ITM2B: variants seen among roughly 807,000 people sequenced by gnomAD.
ITM2B encodes integral membrane protein 2B.
In ITM2B, 11 loss-of-function variants were observed where a neutral mutation model predicts 27.8. The ratio of observed to expected loss-of-function variants is 0.40; its 90% CI spans 0.25 to 0.66. The LOEUF (loss-of-function observed/expected upper bound fraction) is 0.66. Among genes scored for constraint, ITM2B ranks in the 30% least tolerant of loss-of-function variants. The pLI is 0.43. For synonymous variants in ITM2B, 114 were observed against 114.3 expected (o/e 1.00, Z 0.02); for missense variants, 296 against 328.9 (o/e 0.90, Z 0.77).
chr13:48,258,891 A>G lies in ITM2B; in HGVS notation c.659A>G (p.Tyr220Cys), dbSNP rs761159398. The G allele has an allele frequency of 6.2e-7, 1 of 1,613,354 alleles. No individual in the cohort carries two copies. The highest frequency in any genetic ancestry group is 8.5e-7 in the Non-Finnish European group (1 of 1,179,316). The change falls in exon 5 of 6, where the codon TAT (tyrosine) becomes TGT (cysteine). Residue 220 changes from tyrosine to cysteine, a missense_variant. By Grantham distance (194) the Tyr-to-Cys change is radical. Coordinates refer to ENST00000647800, the MANE Select transcript of ITM2B (RefSeq NM_021999.5). Reference sequence around the variant, plus strand: ...ATTGATCACCTGGGTTTCTTTATTTATCGACTGTGTCATGACAAGGAAACT... The same window carrying G: ...ATTGATCACCTGGGTTTCTTTATTTGTCGACTGTGTCATGACAAGGAAACT... ...ENIDHLGFFI[Y>C]RLCHDKETYK... is the part of the protein sequence containing the mutation.
rs1347658891 is a variant in ITM2B, at chr13:48,233,484, G to T, written c.117+7G>T. The T allele has an allele frequency of 6.6e-7, 1 of 1,508,636 alleles. No individual in the cohort carries two copies. Among genetic ancestry groups the T allele is most frequent in the South Asian group, 1.2e-5 (1 of 80,422 alleles). The allele number at this position is 1,508,636 out of a possible 1,614,324, so 93.5% of individuals were successfully genotyped here. On this transcript the variant is annotated splice_region_variant and intron_variant, in intron 1 of 5. Coordinates refer to ENST00000647800, the MANE Select transcript of ITM2B (RefSeq NM_021999.5). ...CGTCGCGGTGGACTGCAAGGTCCGA[G>T]CCCGGGGAGGTCGAGGAAGCGGGTG...
intron 1 of ITM2B, among the ~76,000 whole-genome samples, chr13:48,250,629 AAAG>A (rs1056894729): frequency 6.6e-6 from 1 of 152,114 alleles, no homozygotes; most frequent in Non-Finnish European, 1.5e-5. Flanking sequence ...AAAAAAAAAA[AAAG>A]ATCTAAGTTT....
Position 48,258,114 on chromosome 13 carries a change from T to C in ITM2B, c.454-12T>C. On this transcript the variant is annotated splice_polypyrimidine_tract_variant and intron_variant, in intron 3 of 5. Coordinates refer to ENST00000647800, the MANE Select transcript of ITM2B (RefSeq NM_021999.5). Reference sequence around the variant, plus strand: ...GTATTACTGTAACTACACTGTATCTTTTTCTTCCCAGAAACTTACAGCCTA... The same window carrying C: ...GTATTACTGTAACTACACTGTATCTCTTTCTTCCCAGAAACTTACAGCCTA... The C allele has an allele frequency of 7.4e-7, 1 of 1,353,664 alleles. No individual in the cohort carries two copies. Among genetic ancestry groups the C allele is most frequent in the Non-Finnish European group, 1.1e-6 (1 of 942,744 alleles). 83.9% of individuals were successfully genotyped at this position (1,353,664 alleles called of 1,614,324 possible).
intron 1 of ITM2B, among the ~76,000 whole-genome samples, chr13:48,250,762 G>GAGATA (rs1414089565): frequency 6.6e-6 from 1 of 152,196 alleles, no homozygotes; most frequent in African/African-American, 2.4e-5. Context: ...CTAGTAGAGA[G>GAGATA]AGATAAGATC....
intron 1 of ITM2B, among the ~76,000 whole-genome samples, chr13:48,247,599 A>C: frequency 6.6e-6 from 1 of 152,334 alleles, no homozygotes; most frequent in East Asian, 1.9e-4. Context: ...TATACATTTT[A>C]TTTAAGTTTA....
chr13:48,235,836 A>T (rs778360093), intron 1 of ITM2B, among the ~76,000 whole-genome samples: 19 of 152,240 alleles, frequency 1.2e-4, no homozygotes, highest in Non-Finnish European at 2.6e-4. Context: ...ACCCTCCCAG[A>T]TCACAATATC....
intron 1 of ITM2B, among the ~76,000 whole-genome samples, chr13:48,241,263 G>A (rs757045984): frequency 5.3e-5 from 8 of 152,336 alleles, no homozygotes; most frequent in Non-Finnish European, 1.0e-4. Context: ...CCAGGCTCGA[G>A]TGCAGTGGCA....
chr13:48,251,825 T>A (rs1051859713), intron 1 of ITM2B, among the ~76,000 whole-genome samples: 2 of 152,166 alleles, frequency 1.3e-5, no homozygotes, highest in African/African-American at 4.8e-5. Context: ...ATTTCTTACC[T>A]CCTTAGATAT....
At position 48,233,216 on chromosome 13, in the gene ITM2B, T is replaced by C. The variant is rs1951644429; in HGVS notation, c.-145T>C. ...CGAGATCCCTACCGCAGTAGCCGCC[T>C]CTGCCGCCGCGGAGCTTCCCGAACC... On this transcript the variant is annotated 5_prime_UTR_variant, in exon 1 of 6. Transcript: ENST00000647800. 1 of 423,680 alleles carries C rather than the reference T, an allele frequency of 2.4e-6. No individual in the cohort carries two copies. Among genetic ancestry groups the C allele is most frequent in the African/African-American group, 2.2e-5 (1 of 44,914 alleles). The allele number at this position is 423,680 out of a possible 1,614,324, so 26.2% of individuals were successfully genotyped here.
chr13:48,236,716 G>T (rs1433214717), intron 1 of ITM2B, among the ~76,000 whole-genome samples: 2 of 152,164 alleles, frequency 1.3e-5, no homozygotes, highest in Non-Finnish European at 2.9e-5. Context: ...TGTCACTTCT[G>T]TTTACCTCAC....
chr13:48,254,033 A>G, intron 2 of ITM2B, 97 bp downstream of exon 2: 9 of 1,191,674 alleles, frequency 7.6e-6, no homozygotes, highest in Middle Eastern at 4.9e-4. Flanking sequence ...CTAAGCTTGT[A>G]CTTTTTATCT....
chr13:48,234,291 G>A (rs1951654219), intron 1 of ITM2B, among the ~76,000 whole-genome samples: 1 of 151,850 alleles, frequency 6.6e-6, no homozygotes, highest in Admixed American at 6.6e-5. Flanking sequence ...CATGAAGTGG[G>A]GCTGTTACTG....
rs1951645713 is a variant in ITM2B, at chr13:48,233,295, A to AGCCGGGAGCCCGCAGCCCGC, written c.-62_-43dup. On this transcript the variant is annotated 5_prime_UTR_variant, in exon 1 of 6. Coordinates refer to ENST00000647800, the MANE Select transcript of ITM2B (RefSeq NM_021999.5). ...GCCCGGCCGTAGAGGCTGCAATCGC[A>AGCCGGGAGCCCGCAGCCCGC]GCCGGGAGCCCGCAGCCCGCGCCCC... The AGCCGGGAGCCCGCAGCCCGC allele has an allele frequency of 1.9e-6, 2 of 1,051,554 alleles. No individual in the cohort carries two copies. Among genetic ancestry groups the AGCCGGGAGCCCGCAGCCCGC allele is most frequent in the Non-Finnish European group, 1.4e-6 (1 of 721,816 alleles). 65.1% of individuals were successfully genotyped at this position (1,051,554 alleles called of 1,614,324 possible).
chr13:48,262,382 T>C lies in ITM2B; in HGVS notation c.*1158T>C, dbSNP rs1307907071. 1 of 152,170 alleles carries C rather than the reference T, an allele frequency of 6.6e-6. No homozygotes were observed. Among genetic ancestry groups the C allele is most frequent in the Non-Finnish European group, 1.5e-5 (1 of 68,022 alleles). The allele number at this position is 152,170 out of a possible 1,614,324, so 9.4% of individuals were successfully genotyped here. A position where few individuals can be genotyped will look rare whatever the true frequency, so the allele number is the denominator to read the frequency against. Reference sequence around the variant, plus strand: ...TTAGGAGGTCAGAGTTTTTAAAGCTTCCAACTCTTAAAGGATTTAGTCTAG... The same window carrying C: ...TTAGGAGGTCAGAGTTTTTAAAGCTCCCAACTCTTAAAGGATTTAGTCTAG... On this transcript the variant is annotated 3_prime_UTR_variant, in exon 6 of 6. Coordinates refer to ENST00000647800, the MANE Select transcript of ITM2B (RefSeq NM_021999.5).
chr13:48,258,191 T>G lies in ITM2B; in HGVS notation c.519T>G (p.Ile173Met), dbSNP rs777134037. 2 of 1,604,454 alleles carry G rather than the reference T, an allele frequency of 1.2e-6. No homozygotes were observed. Among genetic ancestry groups the G allele is most frequent in the South Asian group, 2.2e-5 (2 of 90,880 alleles). Residue 173 changes from isoleucine to methionine, a missense_variant, in exon 4 of 6, where the codon ATT (isoleucine) becomes ATG (methionine). Physicochemically the swap from Ile to Met is conservative, Grantham distance 10. Coordinates refer to ENST00000647800, the MANE Select transcript of ITM2B (RefSeq NM_021999.5). ...KCYVIPLNTS[I>M]VMPPRNLLEL... The stretch of plus-strand genomic sequence containing the variant: ...ATGTGATCCCTCTGAACACTTCCAT[T>G]GTTATGCCACCCAGAAACCTACTGG...
At chr13:48,240,166 G>A (rs1951691500) in intron 1 of ITM2B, among the ~76,000 whole-genome samples, 1 of 152,254 alleles carries the variant, frequency 6.6e-6, no homozygotes, top group African/African-American at 2.4e-5. Flanking sequence ...ACAATGCCTG[G>A]AACAGAGTTA....
chr13:48,238,742 A>G (rs753276590), intron 1 of ITM2B, among the ~76,000 whole-genome samples: 44 of 152,278 alleles, frequency 2.9e-4, no homozygotes, highest in Admixed American at 6.5e-4. Flanking sequence ...CGTTTTTGGC[A>G]TAGTTGAATT....
At chr13:48,241,568 G>T (rs939791089) in intron 1 of ITM2B, among the ~76,000 whole-genome samples, 1 of 152,096 alleles carries the variant, frequency 6.6e-6, no homozygotes, top group African/African-American at 2.4e-5. Flanking sequence ...TAAACATTTT[G>T]CTCTGAGAAC....
intron 1 of ITM2B, among the ~76,000 whole-genome samples, chr13:48,236,160 C>T (rs1352930900): frequency 1.3e-5 from 2 of 152,148 alleles, no homozygotes; most frequent in Non-Finnish European, 2.9e-5. Context: ...GCATTTTCCC[C>T]TTAATTGTTT....
Sources: gnomAD v4.1 joint callset for allele counts (sites outside exome capture counted in the v4.1 genomes callset) on GRCh38, gnomAD v4.1.1 for gene constraint, MANE v1.5 for transcripts, NCBI Gene and HGNC (gene_info 2026-07-23, HGNC 2026-07-21) for gene names.